Variants in AR observed in about 807,000 individuals in gnomAD.
AR encodes the protein androgen receptor, also known as dihydrotestosterone receptor.
AR carries 8 observed loss-of-function variants against 53.9 expected under a neutral mutation model. That is an observed-to-expected ratio of 0.15 (90% confidence interval 0.09 to 0.27). The LOEUF is 0.27. Ranked by LOEUF, AR falls within the 10% of genes least tolerant of loss-of-function variation. The pLI, the probability that AR is intolerant of heterozygous loss-of-function variation, is 1.00. For synonymous variants in AR, 359 were observed against 316.4 expected (o/e 1.13, Z -1.43); for missense variants, 639 against 742.5 (o/e 0.86, Z 1.62).
chrX:67,676,858 T>G (rs1385325176), intron 2 of AR, among the ~76,000 whole-genome samples: 1 of 112,027 alleles, frequency 8.9e-6, no homozygotes, highest in East Asian at 2.8e-4. Context: ...GTCTCCGTTG[T>G]CTTTAATATG....
In AR at chrX:67,668,926, T is replaced by C. The variant is rs1602241167; in HGVS notation, c.1769-17084T>C. On this transcript the variant is annotated intron_variant, in intron 2 of 7. Transcript: ENST00000374690. Reference sequence around the variant, plus strand: ...ATGTTTCCTTTTTTAATCTCTGATTTTATTTGAGCTTTCTCTTTTTTTCTT... The same window carrying C: ...ATGTTTCCTTTTTTAATCTCTGATTCTATTTGAGCTTTCTCTTTTTTTCTT... 2.7e-5 allele frequency among the ~76,000 whole-genome samples: 3 copies of C among 111,981 alleles called. No homozygotes were observed. The South Asian group carries it at 1.1e-3, about 41-fold the overall frequency.
rs145104969 is a variant in AR at position 67,635,147 on chromosome X, T to C, written c.1617-8109T>C. Among the ~76,000 whole-genome samples, 509 of 110,902 alleles carry C rather than the reference T, an allele frequency of 4.6e-3. 4 individuals carry two copies. Among genetic ancestry groups the C allele is most frequent in the African/African-American group, 0.016 (477 of 30,512 alleles). ...GGATATTAGATATTTCATTTTCTTATGGTAAGACAAAAGATTAAGGCAACC... is the reference window on the plus strand; with the variant it reads ...GGATATTAGATATTTCATTTTCTTACGGTAAGACAAAAGATTAAGGCAACC... On this transcript the variant is annotated intron_variant, in intron 1 of 7. Transcript: ENST00000374690.
Position 67,639,307 on chromosome X carries a change from A to C in AR, c.1617-3949A>C, listed in dbSNP as rs183578518. 1.4e-3 allele frequency among the ~76,000 whole-genome samples: 156 copies of C among 111,666 alleles called. 1 individual carries two copies. Among genetic ancestry groups the C allele is most frequent in the Middle Eastern group, 9.4e-3 (2 of 213 alleles). On this transcript the variant is annotated intron_variant, in intron 1 of 7. Coordinates refer to ENST00000374690, the MANE Select transcript of AR (RefSeq NM_000044.6). ...ATTGCCTTGGCTATGCAGGCTCTTT[A>C]TTGGTTCCATATGAAATTTAAAGTA...
At position 67,728,297 on chromosome X, in the gene AR, A is replaced by G; in HGVS notation, c.*4456A>G. 6.0e-6 allele frequency: 1 copy of G among 165,383 alleles called. No individual in the cohort carries two copies. Among genetic ancestry groups the G allele is most frequent in the Non-Finnish European group, 1.2e-5 (1 of 85,959 alleles). The allele number at this position is 165,383 out of a possible 1,213,427, so 13.6% of individuals were successfully genotyped here. A position where few individuals can be genotyped will look rare whatever the true frequency, so the allele number is the denominator to read the frequency against. ...AGAACTGGCTTTCCTTTTCTCTAGT[A>G]GTTGCTGAGCAAATTGTTGAAGCTC... On this transcript the variant is annotated 3_prime_UTR_variant, in exon 8 of 8. Coordinates refer to ENST00000374690, the MANE Select transcript of AR (RefSeq NM_000044.6).
At chrX:67,657,432 T>C (rs929592149) in intron 2 of AR, among the ~76,000 whole-genome samples, 2 of 111,269 alleles carry the variant, frequency 1.8e-5, no homozygotes, top group African/African-American at 6.6e-5. Context: ...CCCCGCCCTC[T>C]CCTGTACTCC....
chrX:67,561,928 GTTT>G (rs757161392), intron 1 of AR, among the ~76,000 whole-genome samples: 1 of 78,271 alleles, frequency 1.3e-5, no homozygotes, highest in Non-Finnish European at 2.3e-5. Flanking sequence ...AACGAAAGAG[GTTT>G]TTTTTTTTTT....
At position 67,725,531 on chromosome X, in the gene AR, A is replaced by G. The variant is rs2076154134; in HGVS notation, c.*1690A>G. 1 of 174,300 alleles carries G rather than the reference A, an allele frequency of 5.7e-6. No homozygotes were observed. The highest frequency in any genetic ancestry group is 3.2e-4 in the South Asian group (1 of 3,167). The allele number at this position is 174,300 out of a possible 1,213,427, so 14.4% of individuals were successfully genotyped here. A position where few individuals can be genotyped will look rare whatever the true frequency, so the allele number is the denominator to read the frequency against. On this transcript the variant is annotated 3_prime_UTR_variant, in exon 8 of 8. Coordinates refer to ENST00000374690, the MANE Select transcript of AR (RefSeq NM_000044.6). Reference sequence around the variant, plus strand: ...AAATGCTCTTCTTGTCACCCAGCATATCCACCTGCAGAAGTCATGAGAAGA... The same window carrying G: ...AAATGCTCTTCTTGTCACCCAGCATGTCCACCTGCAGAAGTCATGAGAAGA...
chrX:67,632,305 G>C (rs1161433891), intron 1 of AR, among the ~76,000 whole-genome samples: 1 of 106,364 alleles, frequency 9.4e-6, no homozygotes. Flanking sequence ...CATGGGCGTA[G>C]GACCCTCTGA....
At chrX:67,691,775 A>G (rs754314612) in intron 3 of AR, among the ~76,000 whole-genome samples, 3 of 111,743 alleles carry the variant, frequency 2.7e-5, no homozygotes, top group African/African-American at 9.8e-5. Flanking sequence ...AGATTATGCT[A>G]TTATGCTATT....
rs113196821 is a variant in AR at position 67,633,569 on chromosome X, A to G, written c.1617-9687A>G. On this transcript the variant is annotated intron_variant, in intron 1 of 7. Coordinates refer to ENST00000374690, the MANE Select transcript of AR (RefSeq NM_000044.6). ...GTAAATACTCAAGAGAAATGAAAAC[A>G]TGTCCACACAAATACTTGTACACAA... Among the ~76,000 whole-genome samples, 317 of 112,388 alleles carry G rather than the reference A, an allele frequency of 2.8e-3. 1 individual carries two copies. The highest frequency in any genetic ancestry group is 9.6e-3 in the African/African-American group (299 of 31,004).
chrX:67,566,562 A>G (rs765097616), intron 1 of AR, among the ~76,000 whole-genome samples: 3 of 111,561 alleles, frequency 2.7e-5, no homozygotes, highest in Non-Finnish European at 5.7e-5. Flanking sequence ...TGAGTGTGTG[A>G]TGATGGATGG....
intron 1 of AR, among the ~76,000 whole-genome samples, chrX:67,600,168 T>C (rs1443515189): frequency 9.0e-6 from 1 of 110,986 alleles, no homozygotes. Flanking sequence ...TGGAAAGGAG[T>C]TGGCTAAAAA....
intron 2 of AR, among the ~76,000 whole-genome samples, chrX:67,665,687 TGA>T (rs1927226822): frequency 9.0e-6 from 1 of 111,571 alleles, no homozygotes; most frequent in Non-Finnish European, 1.9e-5. Flanking sequence ...AGCCCTTTTA[TGA>T]TGGTGTGAGC....
chrX:67,693,684 T>C (rs1464196444), intron 3 of AR, among the ~76,000 whole-genome samples: 1 of 111,755 alleles, frequency 8.9e-6, no homozygotes, highest in Non-Finnish European at 1.9e-5. Context: ...CGGTAGAGCC[T>C]TCAGCTCATC....
At chrX:67,694,012 C>A (rs2076008007) in intron 3 of AR, among the ~76,000 whole-genome samples, 1 of 111,443 alleles carries the variant, frequency 9.0e-6, no homozygotes, top group East Asian at 2.8e-4. Context: ...AGAAGAAAAT[C>A]TGCATCTTGA....
At chrX:67,660,562 C>A (rs1226221411) in intron 2 of AR, among the ~76,000 whole-genome samples, 1 of 110,985 alleles carries the variant, frequency 9.0e-6, no homozygotes, top group East Asian at 2.8e-4. Context: ...TGTTCTGTTC[C>A]ATTGGTCTAT....
intron 2 of AR, among the ~76,000 whole-genome samples, chrX:67,681,240 G>C (rs866889116): frequency 9.0e-6 from 1 of 111,336 alleles, no homozygotes; most frequent in Non-Finnish European, 1.9e-5. Context: ...TATCTGAGGA[G>C]GGGGAGCTGC....
At chrX:67,639,540 T>G (rs1569291700) in intron 1 of AR, among the ~76,000 whole-genome samples, 1 of 111,496 alleles carries the variant, frequency 9.0e-6, no homozygotes. Flanking sequence ...TCACATCCCT[T>G]GTAAGTTGGA....
At chrX:67,657,940 G>A (rs1037910865) in intron 2 of AR, among the ~76,000 whole-genome samples, 2 of 111,515 alleles carry the variant, frequency 1.8e-5, no homozygotes, top group African/African-American at 6.5e-5. Context: ...TTTGGGATTG[G>A]AGCATGTCTA....
Sources: gnomAD v4.1 joint callset for allele counts (sites outside exome capture counted in the v4.1 genomes callset) on GRCh38, gnomAD v4.1.1 for gene constraint, MANE v1.5 for transcripts, NCBI Gene and HGNC (gene_info 2026-07-23, HGNC 2026-07-21) for gene names.